The following LCK variants were observed in gnomAD, a reference collection of about 807,000 sequenced individuals.
LCK encodes tyrosine-protein kinase Lck.
In LCK, 14 loss-of-function variants were observed where a neutral mutation model predicts 64.6. The ratio of observed to expected loss-of-function variants is 0.22; its 90% CI spans 0.14 to 0.34. The LOEUF (loss-of-function observed/expected upper bound fraction) is 0.34. Ranked by LOEUF, LCK falls within the 10% of genes least tolerant of loss-of-function variation. The pLI, the probability that LCK is intolerant of heterozygous loss-of-function variation, is 1.00. For synonymous variants in LCK, 277 were observed against 263.6 expected (o/e 1.05, Z -0.49); for missense variants, 434 against 668.1 (o/e 0.65, Z 3.86).
rs368688960 is a variant in LCK, at chr1:32,272,849, CTGTG to C, written c.-5-1466_-5-1463del. ...GTGGGGGTATCTATGGAGGGGATGC[CTGTG>C]TGTGTGTGTAAGGTGAGTGTGTGGA... On this transcript the variant is annotated intron_variant, in intron 1 of 12. Coordinates refer to ENST00000336890, the MANE Select transcript of LCK (RefSeq NM_005356.5). Among the ~76,000 whole-genome samples, 5 of 126,088 alleles carry C rather than the reference CTGTG, an allele frequency of 4.0e-5. No individual in the cohort carries two copies. In the South Asian group the frequency reaches 8.0e-4, roughly 20 times the overall value. 82.7% of individuals were successfully genotyped at this position (126,088 alleles called of 152,430 possible).
Position 32,286,143 on chromosome 1 carries a change from A to G in LCK, c.*427A>G. On this transcript the variant is annotated 3_prime_UTR_variant, in exon 13 of 13. Coordinates refer to ENST00000336890, the MANE Select transcript of LCK (RefSeq NM_005356.5). ...CCTGGCACACATCAGGAGTTCAATAAATGTCTGTTGATGACTGTTGTACAT... is the reference window on the plus strand; with the variant it reads ...CCTGGCACACATCAGGAGTTCAATAGATGTCTGTTGATGACTGTTGTACAT... The G allele has an allele frequency of 3.6e-6, 1 of 274,010 alleles. No homozygotes were observed. The highest frequency in any genetic ancestry group is 2.1e-5 in the African/African-American group (1 of 47,902). 17.0% of individuals were successfully genotyped at this position (274,010 alleles called of 1,614,324 possible). A position where few individuals can be genotyped will look rare whatever the true frequency, so the allele number is the denominator to read the frequency against.
intron 1 of LCK, among the ~76,000 whole-genome samples, chr1:32,268,755 G>T (rs1470916944): frequency 3.3e-5 from 5 of 150,808 alleles, no homozygotes; most frequent in Admixed American, 1.3e-4. Context: ...AGAGGTTGCG[G>T]TGGGCCGAGA....
Position 32,279,972 on chromosome 1 carries a change from C to T in LCK, c.1173C>T (p.Asp391=). The T allele has an allele frequency of 1.2e-6, 2 of 1,614,168 alleles. No homozygotes were observed. Among genetic ancestry groups the T allele is most frequent in the East Asian group, 4.5e-5 (2 of 44,882 alleles). ...TTGGCCTAGCACGCCTCATTGAGGA[C>T]AACGAGTACACAGCCAGGGAGGGTA... ...ADFGLARLIE[D]NEYTAREGAK... Residue 391 remains aspartate (D), a synonymous_variant, in exon 11 of 13, where the codon GAC becomes GAT. Coordinates refer to ENST00000336890, the MANE Select transcript of LCK (RefSeq NM_005356.5).
chr1:32,255,746 T>A (rs1273114585), intron 1 of LCK, among the ~76,000 whole-genome samples: 1 of 152,006 alleles, frequency 6.6e-6, no homozygotes, highest in Non-Finnish European at 1.5e-5. Flanking sequence ...TGCTTACTTC[T>A]GCATCCTCAG....
At chr1:32,283,410 A>G (rs1640520842) in intron 12 of LCK, among the ~76,000 whole-genome samples, 1 of 152,068 alleles carries the variant, frequency 6.6e-6, no homozygotes, top group Admixed American at 6.6e-5. Context: ...CAGGAGCAAA[A>G]CTTTGATTTT....
rs763255214 is a variant in LCK at position 32,275,311 on chromosome 1, C to T, written c.279-10C>T. 2 of 1,613,652 alleles carry T rather than the reference C, an allele frequency of 1.2e-6. No homozygotes were observed. Among genetic ancestry groups the T allele is most frequent in the Non-Finnish European group, 1.7e-6 (2 of 1,179,576 alleles). On this transcript the variant is annotated splice_polypyrimidine_tract_variant and intron_variant, in intron 4 of 12. Transcript: ENST00000336890. The surrounding 1 kb of genome is among the most constrained non-coding windows in gnomAD (Gnocchi z 6.9). ...TGAGCGAGCCACACTGACCCACCTC[C>T]GTGGCGCAGGAGCGGCGAGTGGTGG...
intron 1 of LCK, among the ~76,000 whole-genome samples, chr1:32,257,393 G>A (rs907765043): frequency 3.3e-5 from 5 of 151,992 alleles, no homozygotes; most frequent in Non-Finnish European, 5.9e-5. Context: ...GGGACCACAA[G>A]CATGGGACAC....
intron 1 of LCK, among the ~76,000 whole-genome samples, chr1:32,261,957 A>G (rs1639786221): frequency 6.9e-6 from 1 of 144,408 alleles, no homozygotes; most frequent in Non-Finnish European, 1.5e-5. Context: ...TGTCAGAAAA[A>G]AAAAAAAAAA....
intron 1 of LCK, among the ~76,000 whole-genome samples, chr1:32,252,790 C>A (rs1639540198): frequency 6.6e-6 from 1 of 152,190 alleles, no homozygotes; most frequent in Admixed American, 6.6e-5. Flanking sequence ...ATCTGGAAAG[C>A]TTCCTGCAAG....
rs540910222 is a variant in LCK, at chr1:32,269,175, G to A, written c.-5-5150G>A. Among the ~76,000 whole-genome samples the A allele has an allele frequency of 2.6e-4, 39 of 151,204 alleles. 1 individual carries two copies. In the South Asian group the frequency reaches 8.2e-3, roughly 32 times the overall value. Reference sequence around the variant, plus strand: ...GTCTAGGCTGGGCATGGTGGTTCACGCCTGTAATCCCAGCACTTTGGGAGG... The same window carrying A: ...GTCTAGGCTGGGCATGGTGGTTCACACCTGTAATCCCAGCACTTTGGGAGG... On this transcript the variant is annotated intron_variant, in intron 1 of 12. Transcript: ENST00000336890.
chr1:32,274,103 G>A, intron 1 of LCK: 1 of 954,220 alleles, frequency 1.0e-6, no homozygotes, highest in Non-Finnish European at 1.5e-6. Flanking sequence ...CTAGGGCTCA[G>A]GGGCCGTGTG....
At chr1:32,278,193 A>G (rs565283265) in intron 9 of LCK, among the ~76,000 whole-genome samples, 2 of 152,310 alleles carry the variant, frequency 1.3e-5, no homozygotes, top group East Asian at 3.9e-4. Context: ...CAAAAAACCC[A>G]CAAAACTATG....
At chr1:32,263,108 C>T (rs1008818681) in intron 1 of LCK, among the ~76,000 whole-genome samples, 1 of 152,176 alleles carries the variant, frequency 6.6e-6, no homozygotes, top group Admixed American at 6.6e-5. Context: ...AAAAAGGCCA[C>T]AGGCCAGGTC....
At chr1:32,269,057 G>A (rs1423509065) in intron 1 of LCK, among the ~76,000 whole-genome samples, 1 of 150,240 alleles carries the variant, frequency 6.7e-6, no homozygotes, top group East Asian at 2.0e-4. Flanking sequence ...GACAGAGCTT[G>A]CAGTGAGCCC....
chr1:32,267,489 G>A (rs572799744), intron 1 of LCK, among the ~76,000 whole-genome samples: 110 of 152,186 alleles, frequency 7.2e-4, no homozygotes, highest in African/African-American at 1.8e-3. Context: ...AGCTGGGCAC[G>A]GTGGCTCACG....
At chr1:32,253,664 A>T (rs1639561341) in intron 1 of LCK, among the ~76,000 whole-genome samples, 1 of 152,172 alleles carries the variant, frequency 6.6e-6, no homozygotes, top group African/African-American at 2.4e-5. Context: ...TCCACACCCA[A>T]ATTATGCCCA....
chr1:32,273,000 G>T (rs182803176), intron 1 of LCK, among the ~76,000 whole-genome samples: 2 of 150,008 alleles, frequency 1.3e-5, no homozygotes, highest in East Asian at 2.0e-4. Flanking sequence ...ATGCGTGTGT[G>T]TGTGTATGTG....
chr1:32,258,035 C>T (rs2124307825), intron 1 of LCK, among the ~76,000 whole-genome samples: 1 of 151,938 alleles, frequency 6.6e-6, no homozygotes, highest in South Asian at 2.1e-4. Flanking sequence ...ATAATCACAG[C>T]ATTTTGGGAG....
At chr1:32,279,573 C>T (rs1407647347) in intron 9 of LCK, 98 bp from the exon 10 acceptor site, 7 of 1,595,262 alleles carry the variant, frequency 4.4e-6, no homozygotes, top group Non-Finnish European at 6.0e-6. Flanking sequence ...TTCCTTTTCA[C>T]ATGTCAGACA....
Sources: gnomAD v4.1 joint callset for allele counts (sites outside exome capture counted in the v4.1 genomes callset) on GRCh38, gnomAD v4.1.1 for gene constraint, Gnocchi (gnomAD v3.1) non-coding constraint, MANE v1.5 for transcripts, NCBI Gene and HGNC (gene_info 2026-07-23, HGNC 2026-07-21) for gene names.